Variants in THSD4 observed in about 807,000 individuals in gnomAD.
THSD4 encodes the protein thrombospondin type-1 domain-containing protein 4.
THSD4 carries 69 observed loss-of-function variants against 119.0 expected under a neutral mutation model. That is an observed-to-expected ratio of 0.58 (90% CI 0.48 to 0.71). THSD4 has a LOEUF of 0.71. Ranked by LOEUF, THSD4 falls within the 30% of genes least tolerant of loss-of-function variation. The pLI, the probability that THSD4 is intolerant of heterozygous loss-of-function variation, is 0.00. For missense variants in THSD4, 1,393 were observed against 1,391.1 expected (o/e 1.00, Z -0.02); for synonymous variants, 524 against 540.4 (o/e 0.97, Z 0.42).
intron 6 of THSD4, among the ~76,000 whole-genome samples, chr15:71,279,794 A>AT (rs1305236953): frequency 2.6e-5 from 4 of 152,088 alleles, no homozygotes; most frequent in African/African-American, 9.7e-5. Flanking sequence ...TAAAAAAAAA[A>AT]AACACAAAGA....
chr15:71,169,020 A>G (rs1397462386), intron 3 of THSD4, among the ~76,000 whole-genome samples: 1 of 152,220 alleles, frequency 6.6e-6, no homozygotes, highest in Non-Finnish European at 1.5e-5. Context: ...AAGATACGCC[A>G]TGGACAGGGT....
chr15:71,683,170 C>T (rs753744125), intron 8 of THSD4, among the ~76,000 whole-genome samples: 12 of 151,954 alleles, frequency 7.9e-5, no homozygotes, highest in Admixed American at 2.6e-4. Context: ...AATCTGCCTA[C>T]CTTGACCTCC....
rs369033351 is a variant in THSD4, at chr15:71,426,192, C to T, written c.1152+14369C>T. 1.5e-4 allele frequency among the ~76,000 whole-genome samples: 23 copies of T among 152,334 alleles called. 1 individual carries two copies. The highest frequency in any genetic ancestry group is 5.5e-4 in the African/African-American group (23 of 41,570). On this transcript the variant is annotated intron_variant, in intron 7 of 17. Transcript: ENST00000261862. ...AGTGTGGGCTTTGACACCTCTTCCC[C>T]CAGCTGGGACACCACTTGGCTTCCA...
At chr15:71,197,746 T>C (rs920122355) in intron 3 of THSD4, among the ~76,000 whole-genome samples, 5 of 152,052 alleles carry the variant, frequency 3.3e-5, no homozygotes, top group African/African-American at 1.2e-4. Context: ...CCCACTGGAC[T>C]GTCAGGTTCT....
intron 4 of THSD4, among the ~76,000 whole-genome samples, chr15:71,223,784 A>G (rs1001069666): frequency 6.6e-6 from 1 of 152,054 alleles, no homozygotes; most frequent in Non-Finnish European, 1.5e-5. Flanking sequence ...GGGAGCAGAG[A>G]GGTGGGACTA....
Position 71,770,952 on chromosome 15 carries a change from A to T in THSD4, c.2770-112A>T. The T allele has an allele frequency of 7.4e-6, 11 of 1,491,540 alleles. No individual in the cohort carries two copies. The South Asian group carries it at 1.3e-4, about 18-fold the overall frequency. The allele number at this position is 1,491,540 out of a possible 1,614,324, so 92.4% of individuals were successfully genotyped here. A position where few individuals can be genotyped will look rare whatever the true frequency, so the allele number is the denominator to read the frequency against. ...GATAGGTACATGGGAGTTTGTTTTC[A>T]TATTCTGTCTCCTTTTGGAAATGTT... On this transcript the variant is annotated intron_variant, in intron 16 of 17. Transcript: ENST00000261862.
chr15:71,646,522 C>T (rs1357544765), intron 7 of THSD4, among the ~76,000 whole-genome samples: 1 of 152,124 alleles, frequency 6.6e-6, no homozygotes, highest in Non-Finnish European at 1.5e-5. Flanking sequence ...GAATTGATAT[C>T]ATTTATTTGT....
intron 7 of THSD4, among the ~76,000 whole-genome samples, chr15:71,646,472 C>T (rs1399928089): frequency 6.6e-6 from 1 of 152,168 alleles, no homozygotes. Context: ...AGGCCATTCT[C>T]TAGCTAAATA....
rs376641726 is a variant in THSD4, at chr15:71,777,193, G to C, written c.2915-39G>C. 8 of 1,613,818 alleles carry C rather than the reference G, an allele frequency of 5.0e-6. No homozygotes were observed. In the Admixed American group the frequency reaches 5.0e-5, roughly 10 times the overall value. On this transcript the variant is annotated intron_variant, in intron 17 of 17. Transcript: ENST00000261862. ...TTCCCACTGGTCCAGGCTGCCTCTT[G>C]TGCTCAGGGAGTCTTCTGTTCATTC...
At chr15:71,470,629 A>ATTT (rs1330193351) in intron 7 of THSD4, among the ~76,000 whole-genome samples, 1 of 146,760 alleles carries the variant, frequency 6.8e-6, no homozygotes. Flanking sequence ...TGAGGATTTT[A>ATTT]TTATTTTTTT....
chr15:71,329,206 C>A (rs2140370814), intron 6 of THSD4, among the ~76,000 whole-genome samples: 1 of 152,260 alleles, frequency 6.6e-6, no homozygotes, highest in South Asian at 2.1e-4. Context: ...GCTTTCCTGA[C>A]AGGTTGTATC....
chr15:71,581,721 A>T (rs1397999675), intron 7 of THSD4, among the ~76,000 whole-genome samples: 1 of 151,864 alleles, frequency 6.6e-6, no homozygotes, highest in Non-Finnish European at 1.5e-5. Context: ...GTTTGATTCC[A>T]CTCTTCTGCA....
intron 6 of THSD4, among the ~76,000 whole-genome samples, chr15:71,277,962 G>A (rs2044611029): frequency 1.3e-5 from 2 of 152,216 alleles, no homozygotes. Context: ...TCACTGGGTA[G>A]TGCTTAGTTT....
At chr15:71,391,021 G>A (rs986629342) in intron 6 of THSD4, among the ~76,000 whole-genome samples, 34 of 133,338 alleles carry the variant, frequency 2.5e-4, no homozygotes, top group Non-Finnish European at 4.6e-4. Context: ...CCACCATGCC[G>A]GCTAATTTTT....
chr15:71,191,344 C>T (rs573994890), intron 3 of THSD4, among the ~76,000 whole-genome samples: 1 of 152,166 alleles, frequency 6.6e-6, no homozygotes, highest in Non-Finnish European at 1.5e-5. Flanking sequence ...TTCTTCTGGG[C>T]ACCAGTGTTT....
chr15:71,551,649 G>C (rs951978021), intron 7 of THSD4, among the ~76,000 whole-genome samples: 1 of 151,540 alleles, frequency 6.6e-6, no homozygotes, highest in Non-Finnish European at 1.5e-5. Context: ...AGCTCCCGAG[G>C]TTTTTTTTTC....
chr15:71,473,347 C>T (rs1336150233), intron 7 of THSD4, among the ~76,000 whole-genome samples: 4 of 152,170 alleles, frequency 2.6e-5, no homozygotes, highest in Admixed American at 6.5e-5. Context: ...TGTGAGCCAC[C>T]GTGCCTGGCC....
At chr15:71,550,190 C>A (rs1404893383) in intron 7 of THSD4, among the ~76,000 whole-genome samples, 1 of 152,180 alleles carries the variant, frequency 6.6e-6, no homozygotes, top group African/African-American at 2.4e-5. Context: ...ACTTTTGAGG[C>A]ATTTGTCAGC....
At chr15:71,720,033 T>TCC (rs377234569) in intron 8 of THSD4, among the ~76,000 whole-genome samples, 1 of 86,242 alleles carries the variant, frequency 1.2e-5, no homozygotes, top group Admixed American at 1.6e-4. Flanking sequence ...TTTTTTTTTT[T>TCC]TTCTTTTTTT....
Sources: gnomAD v4.1 joint callset for allele counts (sites outside exome capture counted in the v4.1 genomes callset) on GRCh38, gnomAD v4.1.1 for gene constraint, MANE v1.5 for transcripts, NCBI Gene and HGNC (gene_info 2026-07-23, HGNC 2026-07-21) for gene names.